FOXP2: variants seen among roughly 807,000 people sequenced by gnomAD.
FOXP2 encodes the protein forkhead box protein P2.
A neutral mutation model predicts 115.8 loss-of-function variants in FOXP2; 12 were observed. The observed-to-expected ratio is 0.10, with a 90% CI of 0.07 to 0.17. The LOEUF (loss-of-function observed/expected upper bound fraction) is 0.17, where lower values mean the gene tolerates loss of function less well. Ranked by LOEUF, FOXP2 falls within the 10% of genes least tolerant of loss-of-function variation. The pLI, the probability that FOXP2 is intolerant of heterozygous loss-of-function variation, is 1.00. For missense variants in FOXP2, 629 were observed against 843.5 expected, an observed-to-expected ratio of 0.75 and a Z score of 3.15; for synonymous variants, 328 against 297.7, an observed-to-expected ratio of 1.10 and a Z score of -1.05.
intron 1 of FOXP2, among the ~76,000 whole-genome samples, chr7:114,423,877 T>C (rs902990998): frequency 1.3e-5 from 2 of 151,510 alleles, no homozygotes; most frequent in African/African-American, 4.8e-5. Context: ...TTAAGTGAAA[T>C]GTACAGTATA....
At chr7:114,187,003 A>C (rs1793624425) in intron 1 of FOXP2, among the ~76,000 whole-genome samples, 1 of 152,202 alleles carries the variant, frequency 6.6e-6, no homozygotes, top group Non-Finnish European at 1.5e-5. Context: ...GCCGTCAAGC[A>C]TGTGATGGGA....
chr7:114,222,155 T>A (rs1220516300), intron 1 of FOXP2, among the ~76,000 whole-genome samples: 1 of 152,172 alleles, frequency 6.6e-6, no homozygotes, highest in Non-Finnish European at 1.5e-5. Flanking sequence ...ATACTTTATG[T>A]TCCTTTTTAT....
chr7:114,495,109 A>T (rs1404082511), intron 2 of FOXP2, among the ~76,000 whole-genome samples: 1 of 152,210 alleles, frequency 6.6e-6, no homozygotes, highest in Non-Finnish European at 1.5e-5. Context: ...CTTACCACAT[A>T]CACAAACTGT....
chr7:114,526,172 TAAA>T (rs3028251), intron 2 of FOXP2, among the ~76,000 whole-genome samples: 3 of 79,730 alleles, frequency 3.8e-5, no homozygotes, highest in Admixed American at 1.8e-4. Flanking sequence ...GTTTCTTTAT[TAAA>T]AAAAAAAAAA....
rs552487739 is a variant in FOXP2 at position 114,120,286 on chromosome 7, G to C, written c.-247+32448G>C. On this transcript the variant is annotated intron_variant, in intron 1 of 19. Transcript: ENST00000635638. ...TCACATACCACATGCTAGGAGAAGAGAGATAAGTGTGGCTAAAGAAATTTA... is the reference window on the plus strand; with the variant it reads ...TCACATACCACATGCTAGGAGAAGACAGATAAGTGTGGCTAAAGAAATTTA... 2.6e-5 allele frequency among the ~76,000 whole-genome samples: 4 copies of C among 152,282 alleles called. No homozygotes were observed. In the East Asian group the frequency reaches 7.7e-4, roughly 29 times the overall value.
chr7:114,498,885 G>A, intron 2 of FOXP2: 1 of 717,962 alleles, frequency 1.4e-6, no homozygotes, highest in Non-Finnish European at 2.6e-6. Flanking sequence ...TTCCTCAGGA[G>A]GATGTTGTCT....
chr7:114,373,771 T>G (rs1163343476), intron 2 of FOXP2, among the ~76,000 whole-genome samples: 1 of 152,218 alleles, frequency 6.6e-6, no homozygotes, highest in Non-Finnish European at 1.5e-5. Context: ...TTCCATACAT[T>G]TCTCATTTAT....
At chr7:114,576,574 A>G (rs1331505058) in intron 3 of FOXP2, among the ~76,000 whole-genome samples, 1 of 151,898 alleles carries the variant, frequency 6.6e-6, no homozygotes, top group Non-Finnish European at 1.5e-5. Context: ...TTATTTAGTC[A>G]GTGGTTTTGT....
In FOXP2 at chr7:114,426,673, A is replaced by G. The variant is rs1444157956; in HGVS notation, c.162A>G (p.Gln54=). The G allele has an allele frequency of 1.2e-6, 2 of 1,610,910 alleles. No individual in the cohort carries two copies. Among genetic ancestry groups the G allele is most frequent in the Admixed American group, 3.3e-5 (2 of 59,702 alleles). ...CAGTAGAACTGCTGCATCTGCAACA[A>G]CAGCAGGTAAGTTTTGTTTTCCTCA... ...VSTVELLHLQ[Q]QQALQAARQL... is the part of the protein sequence containing the mutation. The change falls in exon 2 of 17, where the codon CAA becomes CAG. Residue 54 remains glutamine (Q), a synonymous_variant. Coordinates refer to ENST00000350908, the MANE Select transcript of FOXP2 (RefSeq NM_014491.4).
chr7:114,562,163 C>T (rs1334338462), intron 3 of FOXP2, among the ~76,000 whole-genome samples: 1 of 152,084 alleles, frequency 6.6e-6, no homozygotes, highest in African/African-American at 2.4e-5. Flanking sequence ...CCTTTCTGAC[C>T]CTGCTGCAGC....
chr7:114,342,739 A>G (rs1273808688), intron 2 of FOXP2, among the ~76,000 whole-genome samples: 1 of 151,484 alleles, frequency 6.6e-6, no homozygotes, highest in Non-Finnish European at 1.5e-5. Flanking sequence ...CTATATTCTC[A>G]GTTCATCTCC....
At chr7:114,263,581 T>G (rs897842553) in intron 1 of FOXP2, among the ~76,000 whole-genome samples, 9 of 151,592 alleles carry the variant, frequency 5.9e-5, no homozygotes, top group Non-Finnish European at 1.0e-4. Flanking sequence ...AGCCTCCCAA[T>G]GTGCTGGGAT....
intron 2 of FOXP2, among the ~76,000 whole-genome samples, chr7:114,504,978 T>TA (rs1256967262): frequency 3.3e-5 from 5 of 151,590 alleles, no homozygotes; most frequent in African/African-American, 1.2e-4. Flanking sequence ...TGCTTTTAAT[T>TA]AAAAAATTAC....
At chr7:114,626,648 A>G (rs1250339806) in intron 3 of FOXP2, among the ~76,000 whole-genome samples, 3 of 151,638 alleles carry the variant, frequency 2.0e-5, no homozygotes, top group Admixed American at 2.0e-4. Flanking sequence ...TAATATGTCT[A>G]TCTTTCTCTG....
intron 2 of FOXP2, among the ~76,000 whole-genome samples, chr7:114,533,703 T>A (rs1006912552): frequency 1.3e-5 from 2 of 151,902 alleles, no homozygotes; most frequent in African/African-American, 4.8e-5. Flanking sequence ...TTGAACTCAG[T>A]TGTTGAGAGA....
chr7:114,593,547 A>G (rs1802545379), intron 3 of FOXP2, among the ~76,000 whole-genome samples: 1 of 151,978 alleles, frequency 6.6e-6, no homozygotes, highest in African/African-American at 2.4e-5. Context: ...CATTTTCTTG[A>G]TTATTAAAGA....
At chr7:114,231,086 T>C (rs1794863880) in intron 1 of FOXP2, among the ~76,000 whole-genome samples, 1 of 152,002 alleles carries the variant, frequency 6.6e-6, no homozygotes. Context: ...TTTATTTCTA[T>C]ACATTAACAG....
intron 1 of FOXP2, among the ~76,000 whole-genome samples, chr7:114,171,919 T>G (rs573045514): frequency 6.6e-6 from 1 of 152,208 alleles, no homozygotes; most frequent in East Asian, 1.9e-4. Context: ...TTTGGATGAC[T>G]TTGGGGGGTT....
intron 1 of FOXP2, among the ~76,000 whole-genome samples, chr7:114,148,326 C>T (rs1011018149): frequency 5.3e-5 from 8 of 152,096 alleles, no homozygotes; most frequent in African/African-American, 1.9e-4. Context: ...CAACATGTAA[C>T]ATGATTTATT....
Sources: allele counts gnomAD v4.1 joint callset (sites outside exome capture counted in the v4.1 genomes callset), GRCh38; gene constraint gnomAD v4.1.1; transcripts MANE v1.5; gene names NCBI Gene and HGNC (gene_info 2026-07-23, HGNC 2026-07-21).